The following B3GLCT variants were observed in gnomAD, a reference collection of about 807,000 sequenced individuals.
B3GLCT encodes beta 3-glucosyltransferase.
In B3GLCT, 65 loss-of-function variants were observed where a neutral mutation model predicts 63.4. The observed-to-expected ratio is 1.03, with a 90% confidence interval of 0.84 to 1.26. The LOEUF is 1.26. B3GLCT is among the 50% of genes most tolerant of loss of function. The probability of loss-of-function intolerance (pLI) is 0.00; values close to 1 mark genes in which losing one functional copy is unlikely to be tolerated. For missense variants in B3GLCT, 577 were observed against 604.8 expected (o/e 0.95, Z 0.48); for synonymous variants, 233 against 219.2 (o/e 1.06, Z -0.55).
At chr13:31,245,338 T>C (rs2071889630) in intron 4 of B3GLCT, among the ~76,000 whole-genome samples, 1 of 152,240 alleles carries the variant, frequency 6.6e-6, no homozygotes, top group African/African-American at 2.4e-5. Context: ...GGAAGTATAA[T>C]ACTTGTTTGG....
At chr13:31,269,372 C>T (rs1872479267) in intron 8 of B3GLCT, 95 bp downstream of exon 8, 10 of 870,716 alleles carry the variant, frequency 1.1e-5, no homozygotes, top group Middle Eastern at 4.3e-4. Context: ...CTTGCATTTT[C>T]CCCACCCACA....
chr13:31,315,710 G>T (rs920671278), intron 12 of B3GLCT, among the ~76,000 whole-genome samples: 3 of 152,250 alleles, frequency 2.0e-5, no homozygotes, highest in African/African-American at 4.8e-5. Context: ...GGAGCTGAAT[G>T]TTCATACCAA....
chr13:31,271,831 C>A (rs1342162734), intron 8 of B3GLCT, among the ~76,000 whole-genome samples: 1 of 152,082 alleles, frequency 6.6e-6, no homozygotes, highest in African/African-American at 2.4e-5. Context: ...ATGGAACTGC[C>A]AACTCTTGCT....
chr13:31,210,614 A>G (rs1277000612), intron 1 of B3GLCT, among the ~76,000 whole-genome samples: 8 of 152,174 alleles, frequency 5.3e-5, no homozygotes, highest in Non-Finnish European at 1.0e-4. Context: ...TCTTTGCACC[A>G]TCTCTCTTTC....
At chr13:31,308,281 A>G (rs1874485496) in intron 12 of B3GLCT, among the ~76,000 whole-genome samples, 1 of 53,554 alleles carries the variant, frequency 1.9e-5, no homozygotes. Context: ...ATGTATACAT[A>G]TGTAACTAAC....
chr13:31,248,525 T>G (rs1322199923), intron 6 of B3GLCT, among the ~76,000 whole-genome samples: 1 of 152,126 alleles, frequency 6.6e-6, no homozygotes, highest in African/African-American at 2.4e-5. Context: ...GGGCATGGAA[T>G]CTAACCTGGG....
intron 11 of B3GLCT, 59 bp downstream of exon 11, chr13:31,284,820 A>T (rs1384228690): frequency 1.0e-6 from 1 of 1,000,380 alleles, no homozygotes; most frequent in Non-Finnish European, 1.6e-6. Flanking sequence ...AAATACAGTA[A>T]ATTAGGTTAG....
rs552120408 is a variant in B3GLCT, at chr13:31,262,867, A to G, written c.596+1785A>G. On this transcript the variant is annotated intron_variant, in intron 7 of 14. Transcript: ENST00000343307. Reference sequence around the variant, plus strand: ...TTATAGTATAGAAAGATTTGGTCTGACTTCTCCATGGGAGAAGTCCCACGT... The same window carrying G: ...TTATAGTATAGAAAGATTTGGTCTGGCTTCTCCATGGGAGAAGTCCCACGT... 8.5e-5 allele frequency among the ~76,000 whole-genome samples: 13 copies of G among 152,222 alleles called. No individual in the cohort carries two copies. The South Asian group carries it at 2.7e-3, about 32-fold the overall frequency.
chr13:31,261,558 G>A (rs1033275210), intron 7 of B3GLCT, among the ~76,000 whole-genome samples: 6 of 152,160 alleles, frequency 3.9e-5, no homozygotes, highest in South Asian at 4.1e-4. Flanking sequence ...ACTATAGGTC[G>A]TCATACCTAG....
At chr13:31,269,183 TAA>T (rs3215787) in intron 7 of B3GLCT, 29 bp from the exon 8 acceptor site, 1 of 1,533,080 alleles carries the variant, frequency 6.5e-7, no homozygotes, top group Non-Finnish European at 9.0e-7. Context: ...TTCTTTTGGT[TAA>T]AAAAAATCAA....
chr13:31,329,798 AT>A lies in B3GLCT; in HGVS notation c.*134del. Reference sequence around the variant, plus strand: ...GGGTGCTTCCTGACTTTAGGGGGAGATTTTATGTATGGTATTTTTTGACAGA... The same window carrying A: ...GGGTGCTTCCTGACTTTAGGGGGAGATTTATGTATGGTATTTTTTGACAGA... On this transcript the variant is annotated 3_prime_UTR_variant, in exon 15 of 15. Transcript: ENST00000343307. 1 of 981,548 alleles carries A rather than the reference AT, an allele frequency of 1.0e-6. No individual in the cohort carries two copies. Among genetic ancestry groups the A allele is most frequent in the Non-Finnish European group, 1.6e-6 (1 of 641,600 alleles). 60.8% of individuals were successfully genotyped at this position (981,548 alleles called of 1,614,324 possible). A position where few individuals can be genotyped will look rare whatever the true frequency, so the allele number is the denominator to read the frequency against.
intron 1 of B3GLCT, among the ~76,000 whole-genome samples, chr13:31,214,333 G>T (rs1436062354): frequency 6.6e-6 from 1 of 152,152 alleles, no homozygotes. Flanking sequence ...TGTTTGGCTT[G>T]TCATTTTGCT....
intron 6 of B3GLCT, among the ~76,000 whole-genome samples, chr13:31,256,369 G>A (rs1445718190): frequency 6.6e-6 from 1 of 152,164 alleles, no homozygotes; most frequent in Non-Finnish European, 1.5e-5. Flanking sequence ...AGACAGTGTG[G>A]CGATTCCTCA....
At chr13:31,256,051 A>G (rs1871721992) in intron 6 of B3GLCT, among the ~76,000 whole-genome samples, 1 of 152,240 alleles carries the variant, frequency 6.6e-6, no homozygotes, top group East Asian at 1.9e-4. Context: ...TCCATCTGAC[A>G]AAGGGCTAAT....
intron 4 of B3GLCT, 86 bp downstream of exon 4, chr13:31,229,380 C>A: frequency 1.2e-6 from 1 of 842,672 alleles, no homozygotes; most frequent in Non-Finnish European, 2.1e-6. Flanking sequence ...CGTGGAGAAT[C>A]AGTTTTTATT....
chr13:31,245,254 C>T (rs7981280), intron 4 of B3GLCT, among the ~76,000 whole-genome samples: 54,829 of 151,600 alleles, frequency 0.36, 10,606 homozygotes, highest in East Asian at 0.71. Flanking sequence ...CTGAGGTTAC[C>T]GTCAAGGTAT....
intron 13 of B3GLCT, among the ~76,000 whole-genome samples, chr13:31,321,836 C>A (rs1375436064): frequency 5.4e-5 from 1 of 18,562 alleles, no homozygotes; most frequent in African/African-American, 6.6e-5. Flanking sequence ...AATTGAATGA[C>A]CATTTTTTTT....
chr13:31,281,622 T>G (rs1873073771), intron 10 of B3GLCT, among the ~76,000 whole-genome samples: 2 of 152,164 alleles, frequency 1.3e-5, no homozygotes, highest in South Asian at 4.1e-4. Context: ...TTTTCAGGCT[T>G]AGGTACACCT....
At chr13:31,221,912 A>G (rs191748535) in intron 2 of B3GLCT, among the ~76,000 whole-genome samples, 26 of 152,298 alleles carry the variant, frequency 1.7e-4, no homozygotes, top group Non-Finnish European at 7.4e-5. Context: ...AGACAATGAA[A>G]ATGGCACATT....
Sources: gnomAD v4.1 joint callset for allele counts (sites outside exome capture counted in the v4.1 genomes callset) on GRCh38, gnomAD v4.1.1 for gene constraint, MANE v1.5 for transcripts, NCBI Gene and HGNC (gene_info 2026-07-23, HGNC 2026-07-21) for gene names.